Variants in MCPH1 observed in about 807,000 individuals in gnomAD.
MCPH1 encodes the protein microcephalin.
A neutral mutation model predicts 84.5 loss-of-function variants in MCPH1; 104 were observed. That is an observed-to-expected ratio of 1.23 (90% CI 1.05 to 1.45). MCPH1 has a LOEUF of 1.45. Ranked by LOEUF, MCPH1 falls within the 40% of genes most tolerant of loss-of-function variation. MCPH1 has a pLI of 0.00. For synonymous variants in MCPH1, 514 were observed against 366.8 expected, an observed-to-expected ratio of 1.40 and a Z score of -4.58; for missense variants, 1,498 against 1,005.7, an observed-to-expected ratio of 1.49 and a Z score of -6.62.
chr8:6,456,032 C>A (rs1585875750), intron 9 of MCPH1, among the ~76,000 whole-genome samples: 1 of 152,246 alleles, frequency 6.6e-6, no homozygotes, highest in Middle Eastern at 3.4e-3. Context: ...GGAAGAGAAA[C>A]CTGACTCCTT....
intron 12 of MCPH1, among the ~76,000 whole-genome samples, chr8:6,601,988 C>G (rs1454126031): frequency 6.6e-6 from 1 of 152,220 alleles, no homozygotes; most frequent in Non-Finnish European, 1.5e-5. Flanking sequence ...AAGTATGTCT[C>G]TTCTGCTAGA....
intron 12 of MCPH1, among the ~76,000 whole-genome samples, chr8:6,511,653 C>G (rs963599017): frequency 6.6e-6 from 1 of 152,150 alleles, no homozygotes; most frequent in Non-Finnish European, 1.5e-5. Context: ...ATGCTAGCAT[C>G]ATGTTTTATT....
chr8:6,435,890 A>C (rs947590988), intron 4 of MCPH1, among the ~76,000 whole-genome samples, 158 bp from the exon 5 acceptor site: 7 of 152,232 alleles, frequency 4.6e-5, no homozygotes, highest in African/African-American at 1.7e-4. Flanking sequence ...GCACAAAAAA[A>C]TAAATATTGC....
intron 11 of MCPH1, among the ~76,000 whole-genome samples, chr8:6,496,804 C>G (rs894425826): frequency 6.6e-6 from 1 of 152,114 alleles, no homozygotes; most frequent in Admixed American, 6.6e-5. Context: ...ATTTTCCATC[C>G]CAGTAGGGAG....
rs140062973 is a variant in MCPH1, at chr8:6,449,958, G to A, written c.1825+4411G>A. Among the ~76,000 whole-genome samples the A allele has an allele frequency of 2.0e-5, 3 of 151,982 alleles. No homozygotes were observed. In the East Asian group the frequency reaches 5.8e-4, roughly 30 times the overall value. ...TGCTTTTCACGAAGGAGACACAGTT[G>A]TCCTATAGGTGCCGTGTGTTCACTA... is the stretch of plus-strand genomic sequence containing the variant. On this transcript the variant is annotated intron_variant, in intron 8 of 13. Transcript: ENST00000344683.
chr8:6,581,827 A>G (rs917814373), intron 12 of MCPH1, among the ~76,000 whole-genome samples: 2 of 152,144 alleles, frequency 1.3e-5, no homozygotes, highest in Non-Finnish European at 2.9e-5. Flanking sequence ...GGCAGATTCC[A>G]TGTCTGGTGA....
chr8:6,523,212 T>G (rs189805707), intron 12 of MCPH1, among the ~76,000 whole-genome samples: 120 of 152,248 alleles, frequency 7.9e-4, no homozygotes, highest in Non-Finnish European at 2.2e-4. Flanking sequence ...TTAGCCAGGG[T>G]GGTCTCGATC....
At chr8:6,465,920 T>TTTCG (rs1325841568) in intron 9 of MCPH1, among the ~76,000 whole-genome samples, 35 of 92,156 alleles carry the variant, frequency 3.8e-4, no homozygotes, top group East Asian at 1.3e-3. Flanking sequence ...CAATTTTATC[T>TTTCG]ATCGATCCAT....
At chr8:6,581,081 G>T (rs903809493) in intron 12 of MCPH1, among the ~76,000 whole-genome samples, 3 of 152,204 alleles carry the variant, frequency 2.0e-5, no homozygotes, top group Non-Finnish European at 4.4e-5. Context: ...TATGTGGGAA[G>T]ATGTGCCTAG....
chr8:6,424,880 C>T lies in MCPH1; in HGVS notation c.234-6619C>T, dbSNP rs577733604. Among the ~76,000 whole-genome samples the T allele has an allele frequency of 6.7e-4, 102 of 152,324 alleles. 1 individual carries two copies. Among genetic ancestry groups the T allele is most frequent in the African/African-American group, 1.6e-3 (66 of 41,572 alleles). ...CACACGTGAAGGATAGCGTGCTTCGCGGCTGGAATCTTCAAGGAGATGCCA... is the reference window on the plus strand; with the variant it reads ...CACACGTGAAGGATAGCGTGCTTCGTGGCTGGAATCTTCAAGGAGATGCCA... On this transcript the variant is annotated intron_variant, in intron 3 of 13. Coordinates refer to ENST00000344683, the MANE Select transcript of MCPH1 (RefSeq NM_024596.5).
chr8:6,570,051 A>G (rs372970372), intron 12 of MCPH1, among the ~76,000 whole-genome samples: 31 of 152,320 alleles, frequency 2.0e-4, no homozygotes, highest in African/African-American at 7.0e-4. Flanking sequence ...AATCCAACAT[A>G]TTGTCTAAAT....
rs936708866 is a variant in MCPH1 at position 6,643,298 on chromosome 8, C to T, written c.*249C>T. ...TTTATTTTTTGAGACGGAGTCCTGCCCTGTTTCCCAGGCTGGAGTGCAATG... is the reference window on the plus strand; with the variant it reads ...TTTATTTTTTGAGACGGAGTCCTGCTCTGTTTCCCAGGCTGGAGTGCAATG... On this transcript the variant is annotated 3_prime_UTR_variant, in exon 14 of 14. Coordinates refer to ENST00000344683, the MANE Select transcript of MCPH1 (RefSeq NM_024596.5). 4.6e-5 allele frequency: 23 copies of T among 496,934 alleles called. No individual in the cohort carries two copies. Among genetic ancestry groups the T allele is most frequent in the African/African-American group, 4.1e-4 (21 of 51,548 alleles). The allele number at this position is 496,934 out of a possible 1,614,324, so 30.8% of individuals were successfully genotyped here. A position where few individuals can be genotyped will look rare whatever the true frequency, so the allele number is the denominator to read the frequency against.
chr8:6,618,132 A>G (rs968442009), intron 12 of MCPH1, among the ~76,000 whole-genome samples: 3 of 152,232 alleles, frequency 2.0e-5, no homozygotes, highest in East Asian at 3.8e-4. Flanking sequence ...TGAAAAATCC[A>G]TGAAAATAAT....
chr8:6,639,558 G>A (rs182019646), intron 13 of MCPH1, among the ~76,000 whole-genome samples: 30 of 151,966 alleles, frequency 2.0e-4, no homozygotes, highest in African/African-American at 7.0e-4. Flanking sequence ...AGCTACTCAG[G>A]ACGTCAAGGT....
At chr8:6,441,769 C>T (rs755817802) in intron 6 of MCPH1, among the ~76,000 whole-genome samples, 2 of 152,122 alleles carry the variant, frequency 1.3e-5, no homozygotes, top group Non-Finnish European at 2.9e-5. Context: ...CTGCTGGGAC[C>T]CCAACGTCAC....
intron 13 of MCPH1, among the ~76,000 whole-genome samples, chr8:6,624,540 T>C (rs1831858439): frequency 6.6e-6 from 1 of 152,236 alleles, no homozygotes; most frequent in Admixed American, 6.5e-5. Context: ...TATTGGCTTG[T>C]ATTTTTCTCT....
chr8:6,485,339 A>G (rs960639132), intron 11 of MCPH1, among the ~76,000 whole-genome samples: 3 of 152,038 alleles, frequency 2.0e-5, no homozygotes, highest in African/African-American at 4.8e-5. Context: ...AAAAAAAAGT[A>G]TATCTTACAT....
intron 11 of MCPH1, among the ~76,000 whole-genome samples, chr8:6,489,046 G>C (rs1810270493): frequency 6.6e-6 from 1 of 152,184 alleles, no homozygotes; most frequent in African/African-American, 2.4e-5. Flanking sequence ...GCCATTTGCA[G>C]AGTTAGGGAA....
At chr8:6,498,363 A>T (rs559639591) in intron 11 of MCPH1, among the ~76,000 whole-genome samples, 1 of 152,350 alleles carries the variant, frequency 6.6e-6, no homozygotes, top group East Asian at 1.9e-4. Flanking sequence ...CTACTAGAGC[A>T]AAATGTTTAC....
Sources: gnomAD v4.1 joint callset for allele counts (sites outside exome capture counted in the v4.1 genomes callset) on GRCh38, gnomAD v4.1.1 for gene constraint, MANE v1.5 for transcripts, NCBI Gene and HGNC (gene_info 2026-07-23, HGNC 2026-07-21) for gene names.